Variants in SP4 observed in about 807,000 individuals in gnomAD.
The protein encoded by SP4 is transcription factor Sp4.
SP4 carries 19 observed loss-of-function variants against 72.8 expected under a neutral mutation model. The ratio of observed to expected loss-of-function variants is 0.26; its 90% CI spans 0.18 to 0.38. The LOEUF (loss-of-function observed/expected upper bound fraction) is 0.38, where lower values mean the gene tolerates loss of function less well. Ranked by LOEUF, SP4 falls within the 10% of genes least tolerant of loss-of-function variation. The pLI is 1.00. For synonymous variants in SP4, 395 were observed against 333.1 expected, an observed-to-expected ratio of 1.19 and a Z score of -2.02; for missense variants, 1,008 against 926.3, an observed-to-expected ratio of 1.09 and a Z score of -1.14.
At chr7:21,453,575 C>T (rs1249383490) in intron 3 of SP4, among the ~76,000 whole-genome samples, 1 of 152,132 alleles carries the variant, frequency 6.6e-6, no homozygotes, top group East Asian at 1.9e-4. Context: ...CAAATACAGC[C>T]CAAAGAAAGC....
chr7:21,476,853 A>T (rs1252299887), intron 3 of SP4, among the ~76,000 whole-genome samples: 3 of 152,190 alleles, frequency 2.0e-5, no homozygotes, highest in Non-Finnish European at 4.4e-5. Context: ...GAGTTAAATG[A>T]TGTATGTATA....
At chr7:21,499,099 A>G (rs1329225474) in intron 5 of SP4, among the ~76,000 whole-genome samples, 1 of 143,546 alleles carries the variant, frequency 7.0e-6, no homozygotes, top group East Asian at 2.2e-4. Context: ...AAAAAAAAAA[A>G]CTGTTAAGAA....
Position 21,429,838 on chromosome 7 carries a change from G to T in SP4, c.673G>T (p.Ala225Ser), listed in dbSNP as rs1782773213. ...TGGGAATATTCTTGCTCAAAACCTGGCAAATCAGACAGTTCCGGTCCAAAT... is the reference window on the plus strand; with the variant it reads ...TGGGAATATTCTTGCTCAAAACCTGTCAAATCAGACAGTTCCGGTCCAAAT... ...ASGNILAQNL[A>S]NQTVPVQIRP... The change falls in exon 3 of 6, where the codon GCA becomes TCA. Residue 225 changes from alanine to serine, a missense_variant. Coordinates refer to ENST00000222584, the MANE Select transcript of SP4 (RefSeq NM_003112.5). The T allele has an allele frequency of 5.6e-6, 9 of 1,614,050 alleles. No homozygotes were observed. The highest frequency in any genetic ancestry group is 7.6e-6 in the Non-Finnish European group (9 of 1,180,040).
At chr7:21,463,871 C>G (rs756115068) in intron 3 of SP4, among the ~76,000 whole-genome samples, 8 of 152,098 alleles carry the variant, frequency 5.3e-5, no homozygotes, top group Non-Finnish European at 1.0e-4. Context: ...AATTAATTAT[C>G]TTAAAAGTTT....
rs568315412 is a variant in SP4 at position 21,460,289 on chromosome 7, C to T, written c.1679-16790C>T. On this transcript the variant is annotated intron_variant, in intron 3 of 5. Transcript: ENST00000222584. Reference sequence around the variant, plus strand: ...GTGGGGATGTGTTCGAAGTTTCTTCCTTTTGGTGGGTTTATGGTCTTACTG... The same window carrying T: ...GTGGGGATGTGTTCGAAGTTTCTTCTTTTTGGTGGGTTTATGGTCTTACTG... Among the ~76,000 whole-genome samples the T allele has an allele frequency of 2.6e-5, 4 of 152,222 alleles. No individual in the cohort carries two copies. The South Asian group carries it at 6.2e-4, about 24-fold the overall frequency.
At chr7:21,439,539 C>T (rs1420723711) in intron 3 of SP4, among the ~76,000 whole-genome samples, 2 of 151,016 alleles carry the variant, frequency 1.3e-5, no homozygotes, top group African/African-American at 4.9e-5. Context: ...CATGAACAGT[C>T]CTGCTGCAGT....
chr7:21,494,357 A>G (rs1472306561), intron 5 of SP4, among the ~76,000 whole-genome samples: 1 of 152,220 alleles, frequency 6.6e-6, no homozygotes, highest in African/African-American at 2.4e-5. Context: ...CTTTATTTGC[A>G]GACACCAGGT....
intron 3 of SP4, among the ~76,000 whole-genome samples, chr7:21,475,656 G>C (rs918383579): frequency 6.6e-6 from 1 of 151,942 alleles, no homozygotes; most frequent in Non-Finnish European, 1.5e-5. Flanking sequence ...GTAGAGGCTG[G>C]GTTTCACCAT....
At chr7:21,508,373 T>G (rs998079030) in intron 5 of SP4, among the ~76,000 whole-genome samples, 11 of 152,086 alleles carry the variant, frequency 7.2e-5, no homozygotes, top group African/African-American at 2.7e-4. Flanking sequence ...TTACAGCAGG[T>G]AATTTATTTC....
chr7:21,443,152 A>G (rs1022350438), intron 3 of SP4, among the ~76,000 whole-genome samples: 3 of 152,224 alleles, frequency 2.0e-5, no homozygotes, highest in Non-Finnish European at 4.4e-5. Context: ...AAGTATGTGT[A>G]TTAATTTATA....
Position 21,460,124 on chromosome 7 carries a change from GA to G in SP4, c.1679-16953del, listed in dbSNP as rs138226723. On this transcript the variant is annotated intron_variant, in intron 3 of 5. Coordinates refer to ENST00000222584, the MANE Select transcript of SP4 (RefSeq NM_003112.5). The stretch of plus-strand genomic sequence containing the variant: ...GAGAGCCCTAACAGGAATAAAGAAG[GA>G]AGGCATTGTACAAAAGATAGTGTGT... 9.6e-3 allele frequency among the ~76,000 whole-genome samples: 1,462 copies of G among 152,304 alleles called. 29 individuals are homozygous for G. Among genetic ancestry groups the G allele is most frequent in the African/African-American group, 0.034 (1,410 of 41,546 alleles).
intron 3 of SP4, among the ~76,000 whole-genome samples, chr7:21,435,640 G>C (rs954049202): frequency 2.6e-5 from 4 of 152,110 alleles, no homozygotes; most frequent in African/African-American, 9.7e-5. Flanking sequence ...TTTCAGAGGA[G>C]TCAGATTTAC....
chr7:21,486,601 A>C lies in SP4; in HGVS notation c.2107+4478A>C, dbSNP rs148504831. Among the ~76,000 whole-genome samples, 117 of 152,292 alleles carry C rather than the reference A, an allele frequency of 7.7e-4. 1 individual carries two copies. The East Asian group carries it at 0.02, about 27-fold the overall frequency. ...TCTAATGATTAGAGTAAGATTGTGA[A>C]TTGTCATGAGAAGAATAGCACATTA... On this transcript the variant is annotated intron_variant, in intron 5 of 5. Coordinates refer to ENST00000222584, the MANE Select transcript of SP4 (RefSeq NM_003112.5).
At position 21,430,130 on chromosome 7, in the gene SP4, C is replaced by T. The variant is rs1251410193; in HGVS notation, c.965C>T (p.Thr322Ile). 2 of 1,614,106 alleles carry T rather than the reference C, an allele frequency of 1.2e-6. No individual in the cohort carries two copies. The highest frequency in any genetic ancestry group is 2.7e-5 in the African/African-American group (2 of 74,930). The change falls in exon 3 of 6, where the codon ACT becomes ATT. Residue 322 changes from threonine to isoleucine, a missense_variant. Coordinates refer to ENST00000222584, the MANE Select transcript of SP4 (RefSeq NM_003112.5). ...ATGCCAGAATCTCCCTCCTCCTCCA[C>T]TACCTGCACAACCACTGCTTCAACG... is the stretch of plus-strand genomic sequence containing the variant. ...STMPESPSSS[T>I]TCTTTASTSL... is the part of the protein sequence containing the mutation.
intron 3 of SP4, 138 bp downstream of exon 3, chr7:21,430,981 T>C (rs1294758208): frequency 6.4e-6 from 4 of 629,522 alleles, no homozygotes; most frequent in East Asian, 2.7e-5. Flanking sequence ...AGCAATATTA[T>C]ACTAACAAAC....
Position 21,429,993 on chromosome 7 carries a change from C to G in SP4, c.828C>G (p.Ala276=). The part of the protein sequence containing the change: ...LALPVINNVA[A]GGGTGQVGQP... ...TGCCAGTGATAAACAACGTGGCTGC[C>G]GGAGGAGGGACTGGGCAGGTTGGCC... The change falls in exon 3 of 6, where the codon GCC becomes GCG. Residue 276 remains alanine, a synonymous_variant. Transcript: ENST00000222584. The G allele has an allele frequency of 1.2e-6, 2 of 1,614,116 alleles. No homozygotes were observed. Among genetic ancestry groups the G allele is most frequent in the South Asian group, 1.1e-5 (1 of 91,078 alleles).
chr7:21,459,683 A>G (rs898871360), intron 3 of SP4, among the ~76,000 whole-genome samples: 3 of 152,322 alleles, frequency 2.0e-5, no homozygotes, highest in African/African-American at 4.8e-5. Context: ...GCCTTTGCTC[A>G]TATTTTCTGC....
At chr7:21,461,698 C>T (rs1783994769) in intron 3 of SP4, among the ~76,000 whole-genome samples, 1 of 152,204 alleles carries the variant, frequency 6.6e-6, no homozygotes, top group African/African-American at 2.4e-5. Flanking sequence ...TCCCACGATG[C>T]AGCGGTGGGC....
chr7:21,466,737 C>G (rs1180532683), intron 3 of SP4, among the ~76,000 whole-genome samples: 1 of 151,770 alleles, frequency 6.6e-6, no homozygotes, highest in South Asian at 2.1e-4. Context: ...GAAGCTCTTC[C>G]ATAAGGCAAA....
Sources: gnomAD v4.1 joint callset for allele counts (sites outside exome capture counted in the v4.1 genomes callset) on GRCh38, gnomAD v4.1.1 for gene constraint, MANE v1.5 for transcripts, NCBI Gene and HGNC (gene_info 2026-07-23, HGNC 2026-07-21) for gene names.